The following CENPF variants were observed in gnomAD, a reference collection of about 807,000 sequenced individuals.
CENPF encodes AH antigen.
Under a neutral mutation model 307.3 loss-of-function variants are expected in CENPF, and 214 were observed. The observed-to-expected ratio is 0.70, with a 90% CI of 0.62 to 0.78. The LOEUF (loss-of-function observed/expected upper bound fraction) is 0.78, where lower values mean the gene tolerates loss of function less well. CENPF is among the 30% of genes least tolerant of loss of function. The pLI is 0.00. For synonymous variants in CENPF, 1,259 were observed against 1,270.6 expected (o/e 0.99, Z 0.19); for missense variants, 3,401 against 3,483.9 (o/e 0.98, Z 0.60).
intron 12 of CENPF, among the ~76,000 whole-genome samples, chr1:214,643,812 G>A (rs568146686): frequency 6.6e-6 from 1 of 152,304 alleles, no homozygotes; most frequent in South Asian, 2.1e-4. Context: ...ACAATTTACT[G>A]TGGTACAAAA....
In CENPF at chr1:214,640,015, T is replaced by C; in HGVS notation, c.1677T>C (p.Ala559=). The change falls in exon 12 of 20, where the codon GCT becomes GCC. Residue 559 remains alanine (A), a synonymous_variant. Coordinates refer to ENST00000366955, the MANE Select transcript of CENPF (RefSeq NM_016343.4). ...TGACTTTAGAAAAACTGAAGCTTGC[T>C]GTGGCTGATCTGGAAAAGCAGCGAG... The part of the protein sequence containing the change: ...NSLTLEKLKL[A]VADLEKQRDC... 2.5e-6 allele frequency: 4 copies of C among 1,597,424 alleles called. No homozygotes were observed. The highest frequency in any genetic ancestry group is 3.4e-6 in the Non-Finnish European group (4 of 1,176,168).
chr1:214,609,477 T>A (rs181889677), intron 1 of CENPF, among the ~76,000 whole-genome samples: 2 of 152,318 alleles, frequency 1.3e-5, no homozygotes, highest in African/African-American at 4.8e-5. Context: ...GAGTGGTAAT[T>A]AACCATGTGA....
intron 16 of CENPF, 200 bp downstream of exon 16, chr1:214,653,189 C>T (rs1658537296): frequency 3.6e-6 from 2 of 563,190 alleles, no homozygotes; most frequent in Admixed American, 5.0e-5. Context: ...CTTGAATAAG[C>T]TATCCATTGC....
chr1:214,645,639 G>C lies in CENPF; in HGVS notation c.6069G>C (p.Val2023=). 6.2e-7 allele frequency: 1 copy of C among 1,614,150 alleles called. No homozygotes were observed. The highest frequency in any genetic ancestry group is 8.5e-7 in the Non-Finnish European group (1 of 1,180,016). Residue 2023 remains valine (V), a synonymous_variant, in exon 13 of 20, where the codon GTG becomes GTC. Transcript: ENST00000366955. The part of the protein sequence containing the change: ...TELLQTLSSD[V]SELLKDKTHL... Reference sequence around the variant, plus strand: ...TCCTTCAGACTTTGTCCTCTGATGTGAGTGAGCTGTTAAAAGACAAAACTC... The same window carrying C: ...TCCTTCAGACTTTGTCCTCTGATGTCAGTGAGCTGTTAAAAGACAAAACTC...
At chr1:214,658,755 TGCA>T in intron 18 of CENPF, 92 bp from the exon 19 acceptor site, 1 of 1,255,622 alleles carries the variant, frequency 8.0e-7, no homozygotes, top group Middle Eastern at 1.9e-4. Context: ...TTTTGGAGTT[TGCA>T]TTATCCTTGT....
intron 1 of CENPF, among the ~76,000 whole-genome samples, chr1:214,610,082 T>C (rs374687166): frequency 6.6e-6 from 1 of 150,382 alleles, no homozygotes; most frequent in Non-Finnish European, 1.5e-5. Context: ...GGTCTCGAAC[T>C]CCTGAGCTCA....
intron 10 of CENPF, among the ~76,000 whole-genome samples, chr1:214,634,099 C>G (rs550909841): frequency 6.6e-6 from 1 of 152,186 alleles, no homozygotes; most frequent in African/African-American, 2.4e-5. Flanking sequence ...AGGTCTGGTC[C>G]GTGAGCTGTA....
At chr1:214,647,553 T>C (rs1157206187) in intron 13 of CENPF, among the ~76,000 whole-genome samples, 153 bp downstream of exon 13, 1 of 152,248 alleles carries the variant, frequency 6.6e-6, no homozygotes, top group African/African-American at 2.4e-5. Context: ...GGGTCTTGAA[T>C]TGCAGAAACA....
rs1658315556 is a variant in CENPF at position 214,646,729 on chromosome 1, G to A, written c.7159G>A (p.Val2387Ile). 1 of 1,614,020 alleles carries A rather than the reference G, an allele frequency of 6.2e-7. No homozygotes were observed. The highest frequency in any genetic ancestry group is 1.7e-4 in the Middle Eastern group (1 of 6,060). ...AAGTCTGAGAGGTCTGGAATTAGAT[G>A]TTGTTACTATAAGGTCAGAAAAAGA... Reference protein sequence around the residue: ...TQSLRGLELDVVTIRSEKENL... With the variant: ...TQSLRGLELDIVTIRSEKENL... Residue 2387 changes from valine to isoleucine, a missense_variant, in exon 13 of 20, where the codon GTT (valine) becomes ATT (isoleucine). By Grantham distance (29) the Val-to-Ile change is conservative. Transcript: ENST00000366955.
chr1:214,634,340 G>A (rs1261978590), intron 10 of CENPF, among the ~76,000 whole-genome samples: 1 of 152,166 alleles, frequency 6.6e-6, no homozygotes, highest in Non-Finnish European at 1.5e-5. Flanking sequence ...TTTTGCATTG[G>A]GATTGGGACC....
chr1:214,646,675 C>T lies in CENPF; in HGVS notation c.7105C>T (p.Leu2369=), dbSNP rs1188418370. ...GAATTCCAAAGGAGAGGTAGAGACC[C>T]TAAAAGCAAAAATAGAAGGGATGAC... The part of the protein sequence containing the change: ...AENSKGEVET[L]KAKIEGMTQS... Residue 2369 remains leucine, a synonymous_variant, in exon 13 of 20, where the codon CTA becomes TTA. Coordinates refer to ENST00000366955, the MANE Select transcript of CENPF (RefSeq NM_016343.4). The T allele has an allele frequency of 3.1e-6, 5 of 1,613,550 alleles. No individual in the cohort carries two copies. Among genetic ancestry groups the T allele is most frequent in the Non-Finnish European group, 4.2e-6 (5 of 1,179,950 alleles).
chr1:214,657,563 G>C (rs1013174449), intron 18 of CENPF, among the ~76,000 whole-genome samples, 154 bp downstream of exon 18: 2 of 152,128 alleles, frequency 1.3e-5, no homozygotes, highest in Non-Finnish European at 1.5e-5. Context: ...AATGGATGAG[G>C]CATATGTTTT....
In CENPF at chr1:214,643,241, T is replaced by C; in HGVS notation, c.4903T>C (p.Ser1635Pro). The change falls in exon 12 of 20, where the codon TCA (serine) becomes CCA (proline). Residue 1635 changes from serine to proline, a missense_variant. Physicochemically the swap from Ser to Pro is moderately conservative, Grantham distance 74. Transcript: ENST00000366955. ...AAEKKQTEQL[S>P]LELEVARLQL... is the part of the protein sequence containing the mutation. Reference sequence around the variant, plus strand: ...AGAAAAGAAACAGACGGAACAACTGTCACTTGAGCTGGAAGTAGCACGACT... The same window carrying C: ...AGAAAAGAAACAGACGGAACAACTGCCACTTGAGCTGGAAGTAGCACGACT... The C allele has an allele frequency of 1.3e-6, 2 of 1,590,548 alleles. No individual in the cohort carries two copies.
chr1:214,639,966 A>C lies in CENPF; in HGVS notation c.1628A>C (p.Lys543Thr), dbSNP rs1306230591. The change falls in exon 12 of 20, where the codon AAA becomes ACA. Residue 543 changes from lysine (K) to threonine (T), a missense_variant. Coordinates refer to ENST00000366955, the MANE Select transcript of CENPF (RefSeq NM_016343.4). ...ACCATGTTAAGAGATCTTCAAGAAA[A>C]AATAAATCAGCAAGAAAACTCCTTG... ...QETMLRDLQEKINQQENSLTL... is the reference protein window; with the variant it reads ...QETMLRDLQETINQQENSLTL... 3 of 1,565,788 alleles carry C rather than the reference A, an allele frequency of 1.9e-6. No homozygotes were observed. The South Asian group carries it at 3.6e-5, about 19-fold the overall frequency.
chr1:214,634,104 G>A (rs530304749), intron 10 of CENPF, among the ~76,000 whole-genome samples: 1 of 152,342 alleles, frequency 6.6e-6, no homozygotes, highest in Admixed American at 6.5e-5. Context: ...TGGTCCGTGA[G>A]CTGTAGCGCT....
In CENPF at chr1:214,618,609, G is replaced by A. The variant is rs373652018; in HGVS notation, c.396G>A (p.Ala132=). The A allele has an allele frequency of 8.1e-6, 13 of 1,613,890 alleles. No homozygotes were observed. Among genetic ancestry groups the A allele is most frequent in the Admixed American group, 3.3e-5 (2 of 59,978 alleles). The change falls in exon 4 of 20, where the codon GCG becomes GCA. Residue 132 remains alanine, a synonymous_variant. Transcript: ENST00000366955. ...KSELERSQQA[A]QSADVSLNPC... is the part of the protein sequence containing the mutation. ...AGCTTGAAAGAAGCCAACAAGCTGC[G>A]CAGTCTGCAGATGTCTCTCTGAATC... is the stretch of plus-strand genomic sequence containing the variant.
Position 214,659,036 on chromosome 1 carries a change from A to G in CENPF, c.9141+8A>G, listed in dbSNP as rs1340352531. 2.5e-6 allele frequency: 4 copies of G among 1,613,608 alleles called. No individual in the cohort carries two copies. Among genetic ancestry groups the G allele is most frequent in the Admixed American group, 3.3e-5 (2 of 59,992 alleles). ...GGCAGCAGATCACAAAAGGTAAACT[A>G]CTGTCAACATCCGTCTACTGTTTGA... On this transcript the variant is annotated splice_region_variant and intron_variant, in intron 19 of 19. Coordinates refer to ENST00000366955, the MANE Select transcript of CENPF (RefSeq NM_016343.4). This position sits in a 1 kb window ranked among gnomAD's most constrained non-coding sequence, Gnocchi z 4.4.
At chr1:214,638,046 T>A (rs781100599) in intron 11 of CENPF, 45 bp downstream of exon 11, 1 of 1,554,220 alleles carries the variant, frequency 6.4e-7, no homozygotes, top group Non-Finnish European at 8.7e-7. Context: ...AAGCTGCTAT[T>A]CCCGTGAGAG....
At chr1:214,634,588 C>T (rs769042179) in intron 10 of CENPF, among the ~76,000 whole-genome samples, 1 of 152,198 alleles carries the variant, frequency 6.6e-6, no homozygotes, top group Non-Finnish European at 1.5e-5. Flanking sequence ...ATGTAAAGTG[C>T]TTAGCCCAGT....
Sources: allele counts gnomAD v4.1 joint callset (sites outside exome capture counted in the v4.1 genomes callset), GRCh38; gene constraint gnomAD v4.1.1; non-coding constraint Gnocchi (gnomAD v3.1); transcripts MANE v1.5; gene names NCBI Gene and HGNC (gene_info 2026-07-23, HGNC 2026-07-21).